The following PPP2R2B variants were observed in gnomAD, a reference collection of about 807,000 sequenced individuals.
PPP2R2B encodes protein phosphatase 2 regulatory subunit Bbeta.
Under a neutral mutation model 46.0 loss-of-function variants are expected in PPP2R2B, and 5 were observed. The observed-to-expected ratio is 0.11, with a 90% CI of 0.06 to 0.23. PPP2R2B has a LOEUF of 0.23. PPP2R2B is among the 10% of genes least tolerant of loss of function. The pLI, the probability that PPP2R2B is intolerant of heterozygous loss-of-function variation, is 1.00. For synonymous variants in PPP2R2B, 215 were observed against 206.7 expected, an observed-to-expected ratio of 1.04 and a Z score of -0.34; for missense variants, 367 against 575.0, an observed-to-expected ratio of 0.64 and a Z score of 3.70.
In PPP2R2B at chr5:147,061,213, A is replaced by G. The variant is rs549247435; in HGVS notation, c.50+19846T>C. Among the ~76,000 whole-genome samples the G allele has an allele frequency of 1.4e-3, 206 of 152,344 alleles. 2 individuals are homozygous for G. Among genetic ancestry groups the G allele is most frequent in the African/African-American group, 4.9e-3 (202 of 41,580 alleles). On this transcript the variant is annotated intron_variant, in intron 2 of 10. Coordinates refer to the PPP2R2B transcript ENST00000394413. Reference sequence around the variant, plus strand: ...TATATTCTCAAAGAAAGAGGTAGGTAATAAACAAACATTACATGAACAAGG... The same window carrying G: ...TATATTCTCAAAGAAAGAGGTAGGTGATAAACAAACATTACATGAACAAGG...
chr5:146,826,361 T>C (rs1303466828), intron 2 of PPP2R2B, among the ~76,000 whole-genome samples: 1 of 152,166 alleles, frequency 6.6e-6, no homozygotes, highest in Non-Finnish European at 1.5e-5. Flanking sequence ...CCAAAACTTC[T>C]TGGATCCCTT....
chr5:146,900,671 G>A (rs550433881), intron 1 of PPP2R2B, among the ~76,000 whole-genome samples: 1 of 150,950 alleles, frequency 6.6e-6, no homozygotes. Flanking sequence ...TGCAGGATGT[G>A]CAGGTTTGTT....
chr5:146,619,136 A>AG (rs989572122), intron 7 of PPP2R2B, among the ~76,000 whole-genome samples: 1 of 152,052 alleles, frequency 6.6e-6, no homozygotes, highest in African/African-American at 2.4e-5. Flanking sequence ...TCCTACCTCC[A>AG]GGGTCCAGGC....
intron 1 of PPP2R2B, among the ~76,000 whole-genome samples, chr5:146,890,806 T>C (rs999717952): frequency 2.6e-5 from 4 of 152,160 alleles, no homozygotes; most frequent in African/African-American, 7.2e-5. Flanking sequence ...AAAAGTAGCA[T>C]AGGCCCTGAG....
Position 146,696,295 on chromosome 5 carries a change from G to A in PPP2R2B, c.334+1684C>T, listed in dbSNP as rs771469343. ...ATTTTTTTGTATTTTTAGTAGGGACGGGGTTTCACCGTGTTAGCCAGGATG... is the reference window on the plus strand; with the variant it reads ...ATTTTTTTGTATTTTTAGTAGGGACAGGGTTTCACCGTGTTAGCCAGGATG... On this transcript the variant is annotated intron_variant, in intron 4 of 9. Coordinates refer to ENST00000394411, the MANE Select transcript of PPP2R2B (RefSeq NM_181675.4). Among the ~76,000 whole-genome samples the A allele has an allele frequency of 7.6e-4, 116 of 151,978 alleles. 1 individual carries two copies. Among genetic ancestry groups the A allele is most frequent in the Non-Finnish European group, 2.9e-4 (20 of 67,876 alleles).
intron 5 of PPP2R2B, among the ~76,000 whole-genome samples, chr5:146,685,828 G>A (rs760819369): frequency 1.1e-4 from 16 of 152,138 alleles, no homozygotes; most frequent in Non-Finnish European, 2.1e-4. Flanking sequence ...TTAAAAATCA[G>A]TGCATCCCTT....
At chr5:146,604,286 T>A (rs944341291) in intron 7 of PPP2R2B, among the ~76,000 whole-genome samples, 1 of 152,238 alleles carries the variant, frequency 6.6e-6, no homozygotes, top group African/African-American at 2.4e-5. Flanking sequence ...TCATGCCCCC[T>A]GCAATATCAG....
At chr5:146,922,739 T>G (rs904526568) in intron 1 of PPP2R2B, among the ~76,000 whole-genome samples, 1 of 152,062 alleles carries the variant, frequency 6.6e-6, no homozygotes, top group African/African-American at 2.4e-5. Context: ...GAACTCTGGG[T>G]GGTTTAAGCC....
intron 1 of PPP2R2B, among the ~76,000 whole-genome samples, chr5:147,010,901 T>C (rs1352368618): frequency 2.6e-5 from 4 of 152,112 alleles, no homozygotes; most frequent in African/African-American, 9.7e-5. Flanking sequence ...ACTCCCACCA[T>C]TGCTCTCATC....
chr5:147,057,857 A>G (rs185963553), upstream of PPP2R2B, among the ~76,000 whole-genome samples: 31 of 152,300 alleles, frequency 2.0e-4, no homozygotes, highest in Admixed American at 3.9e-4. Flanking sequence ...GCCTCATTAC[A>G]GGCCTAACAA....
At chr5:146,829,860 T>C (rs1758818611) in intron 2 of PPP2R2B, among the ~76,000 whole-genome samples, 1 of 152,162 alleles carries the variant, frequency 6.6e-6, no homozygotes, top group Non-Finnish European at 1.5e-5. Flanking sequence ...TGCAGGCAAA[T>C]TGGCTAGTAG....
At chr5:146,943,905 T>C (rs1019082629) in intron 1 of PPP2R2B, among the ~76,000 whole-genome samples, 4 of 152,200 alleles carry the variant, frequency 2.6e-5, no homozygotes, top group African/African-American at 9.6e-5. Context: ...CACTGGCCTT[T>C]TACTGCTAAC....
At chr5:146,810,730 A>AT (rs1052713790) in intron 2 of PPP2R2B, among the ~76,000 whole-genome samples, 19 of 150,550 alleles carry the variant, frequency 1.3e-4, no homozygotes, top group African/African-American at 2.7e-4. Flanking sequence ...TAATATATAT[A>AT]TTTTTTATTA....
intron 1 of PPP2R2B, among the ~76,000 whole-genome samples, chr5:147,005,044 A>C (rs892902397): frequency 6.6e-6 from 1 of 152,166 alleles, no homozygotes; most frequent in Admixed American, 6.5e-5. Context: ...ACAGCTGCCT[A>C]CTTAGATACC....
chr5:147,079,666 G>A (rs1757915985), intron 2 of PPP2R2B, among the ~76,000 whole-genome samples: 1 of 151,812 alleles, frequency 6.6e-6, no homozygotes, highest in Non-Finnish European at 1.5e-5. Context: ...AGAGAATAGT[G>A]AATAGTGGTT....
intron 2 of PPP2R2B, among the ~76,000 whole-genome samples, chr5:146,778,499 C>T (rs1269496250): frequency 1.3e-5 from 2 of 152,118 alleles, no homozygotes; most frequent in African/African-American, 4.8e-5. Flanking sequence ...ATTGTCATAG[C>T]TATTGCCAGT....
At chr5:147,054,745 G>A in intron 1 of PPP2R2B, 1 of 455,676 alleles carries the variant, frequency 2.2e-6, no homozygotes. Flanking sequence ...ATGAGTTGGA[G>A]TCACAACACC....
At chr5:147,049,646 G>T (rs1756707596) in intron 1 of PPP2R2B, among the ~76,000 whole-genome samples, 1 of 152,200 alleles carries the variant, frequency 6.6e-6, no homozygotes, top group African/African-American at 2.4e-5. Context: ...GTCTGAGACT[G>T]CAAGGGAGAG....
At chr5:146,664,550 A>T (rs1318446085) in intron 5 of PPP2R2B, among the ~76,000 whole-genome samples, 1 of 151,438 alleles carries the variant, frequency 6.6e-6, no homozygotes, top group African/African-American at 2.4e-5. Flanking sequence ...CCACAACTGC[A>T]GTGACTTCCT....
Sources: allele counts gnomAD v4.1 joint callset (sites outside exome capture counted in the v4.1 genomes callset), GRCh38; gene constraint gnomAD v4.1.1; transcripts MANE v1.5; gene names NCBI Gene and HGNC (gene_info 2026-07-23, HGNC 2026-07-21).